Variants in MAP4K5 observed in about 807,000 individuals in gnomAD.
MAP4K5 encodes mitogen-activated protein kinase kinase kinase kinase 5, also known as MAPK/ERK kinase kinase kinase 5.
Under a neutral mutation model 135.6 loss-of-function variants are expected in MAP4K5, and 82 were observed. The observed-to-expected ratio is 0.60, with a 90% confidence interval of 0.51 to 0.73. MAP4K5 has a LOEUF of 0.73. Ranked by LOEUF, MAP4K5 falls within the 30% of genes least tolerant of loss-of-function variation. The probability of loss-of-function intolerance (pLI) is 0.00; values close to 1 mark genes in which losing one functional copy is unlikely to be tolerated. For synonymous variants in MAP4K5, 347 were observed against 335.0 expected (o/e 1.04, Z -0.39); for missense variants, 907 against 1,010.9 (o/e 0.90, Z 1.39).
chr14:50,437,544 T>G lies in MAP4K5; in HGVS notation c.1824-10A>C, dbSNP rs2036123399. 1.3e-6 allele frequency: 2 copies of G among 1,576,020 alleles called. No individual in the cohort carries two copies. Among genetic ancestry groups the G allele is most frequent in the South Asian group, 1.2e-5 (1 of 86,116 alleles). On this transcript the variant is annotated splice_polypyrimidine_tract_variant and intron_variant, in intron 25 of 32. Transcript: ENST00000682126. ...TGTTAAAGCGAATTTTCTGAAAACG[T>G]AAGACGATATAAATGCACTCTACAG...
chr14:50,483,077 A>G (rs1168459948), intron 5 of MAP4K5: 1 of 152,250 alleles, frequency 6.6e-6, no homozygotes, highest in Non-Finnish European at 1.5e-5. Flanking sequence ...AGAAATACAT[A>G]TAACTAATTA....
intron 1 of MAP4K5, among the ~76,000 whole-genome samples, chr14:50,548,199 C>T (rs2038658426): frequency 6.6e-6 from 1 of 152,160 alleles, no homozygotes; most frequent in South Asian, 2.1e-4. Context: ...GCAGCTTGTT[C>T]CCCAGACAGT....
Position 50,434,618 on chromosome 14 carries a change from C to T in MAP4K5, c.1987-47G>A, listed in dbSNP as rs533382090. ...GAGCCATAATTCAGAAACAATCTCC[C>T]CATTCATACCACTGTTGAATAAAGT... On this transcript the variant is annotated intron_variant, in intron 27 of 32. Transcript: ENST00000682126. 2.0e-6 allele frequency: 3 copies of T among 1,498,138 alleles called. No homozygotes were observed. In the Admixed American group the frequency reaches 6.1e-5, roughly 30 times the overall value. 92.8% of individuals were successfully genotyped at this position (1,498,138 alleles called of 1,614,324 possible).
chr14:50,443,460 G>T (rs1024940277), intron 20 of MAP4K5, among the ~76,000 whole-genome samples: 26 of 152,234 alleles, frequency 1.7e-4, no homozygotes, highest in African/African-American at 6.0e-4. Flanking sequence ...AGAGGACACA[G>T]TACTATTAAT....
chr14:50,455,669 C>T (rs1053188485), intron 14 of MAP4K5, among the ~76,000 whole-genome samples: 11 of 152,048 alleles, frequency 7.2e-5, no homozygotes, highest in African/African-American at 2.7e-4. Flanking sequence ...AAAACTCAGA[C>T]TTAAACAAAA....
At chr14:50,560,337 G>A (rs1480226822) in intron 1 of MAP4K5, 1 of 1,609,990 alleles carries the variant, frequency 6.2e-7, no homozygotes, top group Non-Finnish European at 8.5e-7. Context: ...CCTGCACGGG[G>A]TCTTCTGGCC....
intron 15 of MAP4K5, among the ~76,000 whole-genome samples, chr14:50,447,822 T>C (rs1026485823): frequency 1.3e-5 from 2 of 152,182 alleles, no homozygotes; most frequent in African/African-American, 4.8e-5. Flanking sequence ...CTAAATATCA[T>C]ATTACTAAAC....
intron 3 of MAP4K5, among the ~76,000 whole-genome samples, chr14:50,504,174 C>A (rs1433315769): frequency 6.6e-6 from 1 of 152,000 alleles, no homozygotes; most frequent in Non-Finnish European, 1.5e-5. Context: ...ATTATGGTCA[C>A]AAACTTATCC....
chr14:50,443,884 G>T, intron 19 of MAP4K5, 55 bp downstream of exon 19: 1 of 1,469,578 alleles, frequency 6.8e-7, no homozygotes, highest in Non-Finnish European at 9.4e-7. Context: ...TATGCCCCTT[G>T]CATGATAAAT....
chr14:50,467,716 AC>A, intron 10 of MAP4K5, among the ~76,000 whole-genome samples: 1 of 152,246 alleles, frequency 6.6e-6, no homozygotes, highest in Middle Eastern at 3.4e-3. Context: ...ATTGCCCATA[AC>A]AAATAACATC....
chr14:50,473,120 G>T (rs1327316956), intron 9 of MAP4K5, among the ~76,000 whole-genome samples: 1 of 151,964 alleles, frequency 6.6e-6, no homozygotes, highest in Non-Finnish European at 1.5e-5. Flanking sequence ...AAAGGTTGTT[G>T]GATTTATGAA....
At chr14:50,444,181 T>C (rs2036291658) in intron 18 of MAP4K5, 145 bp from the exon 19 acceptor site, 1 of 649,984 alleles carries the variant, frequency 1.5e-6, no homozygotes, top group African/African-American at 1.8e-5. Context: ...AAGTTATCTT[T>C]GGTGTCTTTC....
intron 18 of MAP4K5, 142 bp from the exon 19 acceptor site, chr14:50,444,178 C>T: frequency 3.1e-6 from 2 of 648,962 alleles, no homozygotes; most frequent in East Asian, 5.4e-5. Flanking sequence ...GGTAAGTTAT[C>T]TTTGGTGTCT....
chr14:50,431,383 C>T (rs1020410796), intron 28 of MAP4K5, among the ~76,000 whole-genome samples: 3 of 152,138 alleles, frequency 2.0e-5, no homozygotes, highest in African/African-American at 7.2e-5. Context: ...GGTATATCTC[C>T]CAATGCTATC....
intron 13 of MAP4K5, among the ~76,000 whole-genome samples, chr14:50,460,177 C>T (rs2036679836): frequency 6.6e-6 from 1 of 152,132 alleles, no homozygotes; most frequent in Admixed American, 6.5e-5. Flanking sequence ...TTTTTCCAGT[C>T]CCTATGATAT....
At chr14:50,548,168 T>C (rs2038658025) in intron 1 of MAP4K5, among the ~76,000 whole-genome samples, 1 of 152,164 alleles carries the variant, frequency 6.6e-6, no homozygotes, top group Non-Finnish European at 1.5e-5. Flanking sequence ...TACCTGGAGC[T>C]GTCACTGATA....
intron 9 of MAP4K5, among the ~76,000 whole-genome samples, 156 bp downstream of exon 9, chr14:50,474,920 AT>A (rs1415821495): frequency 5.3e-5 from 8 of 152,218 alleles, no homozygotes; most frequent in Admixed American, 1.3e-4. Context: ...GAATATGAGC[AT>A]CAAAGTTCCC....
At chr14:50,485,667 A>G in intron 4 of MAP4K5, 25 bp from the exon 5 acceptor site, 4 of 1,387,888 alleles carry the variant, frequency 2.9e-6, no homozygotes, top group Non-Finnish European at 4.0e-6. Flanking sequence ...AAAGAAAATT[A>G]TATTAGCTAG....
chr14:50,528,588 C>A (rs1366259415), intron 2 of MAP4K5, among the ~76,000 whole-genome samples: 2 of 151,662 alleles, frequency 1.3e-5, no homozygotes, highest in Non-Finnish European at 2.9e-5. Flanking sequence ...AGGCATGTTG[C>A]CACACACACT....
Sources: allele counts gnomAD v4.1 joint callset (sites outside exome capture counted in the v4.1 genomes callset), GRCh38; gene constraint gnomAD v4.1.1; transcripts MANE v1.5; gene names NCBI Gene and HGNC (gene_info 2026-07-23, HGNC 2026-07-21).